TNFAIP8: variants seen among roughly 807,000 people sequenced by gnomAD.
TNFAIP8 encodes TNF alpha induced protein 8, also known as tumor necrosis factor alpha-induced protein 8.
In TNFAIP8, 7 loss-of-function variants were observed where a neutral mutation model predicts 13.3. The ratio of observed to expected loss-of-function variants is 0.52; its 90% CI spans 0.30 to 0.99. The LOEUF is 0.99. TNFAIP8 is among the 50% of genes least tolerant of loss of function. The pLI is 0.07. For synonymous variants in TNFAIP8, 94 were observed against 87.6 expected (o/e 1.07, Z -0.41); for missense variants, 258 against 236.9 (o/e 1.09, Z -0.58).
intron 1 of TNFAIP8, among the ~76,000 whole-genome samples, chr5:119,326,371 C>T (rs959930571): frequency 2.0e-5 from 3 of 152,148 alleles, no homozygotes; most frequent in East Asian, 3.9e-4. Context: ...TGAGCTGAGC[C>T]TTGGGAGACT....
intron 1 of TNFAIP8, among the ~76,000 whole-genome samples, chr5:119,274,137 T>C (rs969850959): frequency 6.6e-6 from 1 of 152,218 alleles, no homozygotes; most frequent in Non-Finnish European, 1.5e-5. Flanking sequence ...TCGTCTTTCC[T>C]GTCCTGAGCT....
At chr5:119,334,074 T>C (rs935266363) in intron 1 of TNFAIP8, among the ~76,000 whole-genome samples, 1 of 151,970 alleles carries the variant, frequency 6.6e-6, no homozygotes, top group African/African-American at 2.4e-5. Context: ...AACACAAGGC[T>C]GTTTATTTCT....
intron 1 of TNFAIP8, among the ~76,000 whole-genome samples, chr5:119,373,650 T>A (rs1371760790): frequency 6.6e-6 from 1 of 152,224 alleles, no homozygotes; most frequent in African/African-American, 2.4e-5. Context: ...ACGGAAGGGA[T>A]TGGCATGAAG....
At chr5:119,296,797 T>C (rs988248628) in intron 1 of TNFAIP8, among the ~76,000 whole-genome samples, 9 of 152,128 alleles carry the variant, frequency 5.9e-5, no homozygotes, top group Non-Finnish European at 1.3e-4. Context: ...ATTGCCACAA[T>C]TTCAGAGCCT....
upstream of TNFAIP8, among the ~76,000 whole-genome samples, chr5:119,351,146 C>T (rs547523930): frequency 2.6e-5 from 4 of 151,704 alleles, no homozygotes; most frequent in East Asian, 7.8e-4. Flanking sequence ...CCTCAGTCTC[C>T]CAAGTGGCTA....
chr5:119,285,272 C>A (rs896990908), intron 1 of TNFAIP8, among the ~76,000 whole-genome samples: 1 of 152,186 alleles, frequency 6.6e-6, no homozygotes, highest in Non-Finnish European at 1.5e-5. Flanking sequence ...TAAATCATCT[C>A]TAATCCCTCA....
At chr5:119,338,410 T>C (rs563355703) in intron 1 of TNFAIP8, among the ~76,000 whole-genome samples, 10 of 152,278 alleles carry the variant, frequency 6.6e-5, no homozygotes, top group African/African-American at 2.4e-4. Context: ...CCCTACCCCA[T>C]CTGTGCCTCT....
upstream of TNFAIP8, chr5:119,354,406 A>G (rs1423725564): frequency 6.6e-6 from 1 of 152,188 alleles, no homozygotes. Context: ...AATCTTAGGC[A>G]GGTTAGAATC....
chr5:119,384,040 G>A (rs1024766737), intron 1 of TNFAIP8, among the ~76,000 whole-genome samples: 4 of 152,188 alleles, frequency 2.6e-5, no homozygotes, highest in African/African-American at 9.7e-5. Flanking sequence ...TAGTGTAACA[G>A]CTTGGAGTTG....
chr5:119,388,272 G>A (rs1458726264), intron 1 of TNFAIP8, among the ~76,000 whole-genome samples: 1 of 152,294 alleles, frequency 6.6e-6, no homozygotes, highest in East Asian at 1.9e-4. Flanking sequence ...CGCACTTAGA[G>A]GGAAGAAAAA....
chr5:119,357,827 T>A (rs778476125), intron 1 of TNFAIP8, among the ~76,000 whole-genome samples: 4 of 152,176 alleles, frequency 2.6e-5, no homozygotes, highest in Non-Finnish European at 5.9e-5. Context: ...AGTAGAATTT[T>A]AAATTGATAG....
Position 119,395,925 on chromosome 5 carries a change from G to A in TNFAIP8, c.*2544G>A, listed in dbSNP as rs1352842977. The A allele has an allele frequency of 1.3e-5, 2 of 152,094 alleles. No homozygotes were observed. Among genetic ancestry groups the A allele is most frequent in the Non-Finnish European group, 2.9e-5 (2 of 68,018 alleles). 9.4% of individuals were successfully genotyped at this position (152,094 alleles called of 1,614,324 possible). A position where few individuals can be genotyped will look rare whatever the true frequency, so the allele number is the denominator to read the frequency against. On this transcript the variant is annotated 3_prime_UTR_variant, in exon 2 of 2. Transcript: ENST00000504771. The stretch of plus-strand genomic sequence containing the variant: ...TTGTAATTGATTTTATTTTGTGCTG[G>A]TGGCTTCTCTGCAAAAATTATGAGT...
At chr5:119,321,231 A>T (rs1389532274) in intron 1 of TNFAIP8, among the ~76,000 whole-genome samples, 1 of 152,108 alleles carries the variant, frequency 6.6e-6, no homozygotes, top group Non-Finnish European at 1.5e-5. Context: ...AAAAGACTAG[A>T]CTTGGATACC....
At chr5:119,383,369 A>G (rs1752557115) in intron 1 of TNFAIP8, among the ~76,000 whole-genome samples, 1 of 152,252 alleles carries the variant, frequency 6.6e-6, no homozygotes, top group Non-Finnish European at 1.5e-5. Flanking sequence ...ATGATAAATT[A>G]TCTGATCACT....
chr5:119,384,900 T>G (rs1752614724), intron 1 of TNFAIP8, among the ~76,000 whole-genome samples: 1 of 152,106 alleles, frequency 6.6e-6, no homozygotes, highest in African/African-American at 2.4e-5. Context: ...TTAGAGGAGT[T>G]GAAACTCAGG....
chr5:119,399,254 G>A lies in TNFAIP8; in HGVS notation c.*5873G>A, dbSNP rs537617249. On this transcript the variant is annotated 3_prime_UTR_variant, in exon 2 of 2. Transcript: ENST00000504771. ...AGTGTGGCCAGATGGAACCCAGCAG[G>A]GTACAGAGGGCATTTGTGGGAGCAG... The A allele has an allele frequency of 6.6e-6, 1 of 152,174 alleles. No individual in the cohort carries two copies. The highest frequency in any genetic ancestry group is 1.5e-5 in the Non-Finnish European group (1 of 68,028). The allele number at this position is 152,174 out of a possible 1,614,324, so 9.4% of individuals were successfully genotyped here.
intron 1 of TNFAIP8, among the ~76,000 whole-genome samples, chr5:119,292,274 G>A (rs778367466): frequency 6.6e-6 from 1 of 151,142 alleles, no homozygotes; most frequent in Non-Finnish European, 1.5e-5. Context: ...GGCTCCAGGA[G>A]GAGTGTTTCT....
intron 1 of TNFAIP8, among the ~76,000 whole-genome samples, chr5:119,370,757 C>T (rs1752042763): frequency 1.3e-5 from 2 of 152,316 alleles, no homozygotes; most frequent in Middle Eastern, 3.4e-3. Context: ...ATTCTTTACC[C>T]TCCATCAGAA....
intron 1 of TNFAIP8, among the ~76,000 whole-genome samples, chr5:119,301,101 G>T (rs564832302): frequency 6.6e-6 from 1 of 152,228 alleles, no homozygotes; most frequent in South Asian, 2.1e-4. Context: ...CCCAGCTTCC[G>T]GTCCATTCCT....
Sources: allele counts gnomAD v4.1 joint callset (sites outside exome capture counted in the v4.1 genomes callset), GRCh38; gene constraint gnomAD v4.1.1; transcripts MANE v1.5; gene names NCBI Gene and HGNC (gene_info 2026-07-23, HGNC 2026-07-21).